Variants in SEC14L5 observed in about 807,000 individuals in gnomAD.
SEC14L5 encodes SEC14 like lipid binding 5.
Under a neutral mutation model 84.6 loss-of-function variants are expected in SEC14L5, and 96 were observed. The observed-to-expected ratio is 1.13, with a 90% CI of 0.96 to 1.34. The LOEUF (loss-of-function observed/expected upper bound fraction) is 1.34, where lower values mean the gene tolerates loss of function less well. Ranked by LOEUF, SEC14L5 falls within the 40% of genes most tolerant of loss-of-function variation. The pLI is 0.00. For synonymous variants in SEC14L5, 546 were observed against 383.4 expected (o/e 1.42, Z -4.95); for missense variants, 1,224 against 942.5 (o/e 1.30, Z -3.91).
intron 15 of SEC14L5, among the ~76,000 whole-genome samples, chr16:5,012,616 T>A (rs1231602140): frequency 1.3e-5 from 2 of 152,092 alleles, no homozygotes; most frequent in Non-Finnish European, 2.9e-5. Context: ...GAGAAAGAAC[T>A]ACCTGAGGCC....
intron 11 of SEC14L5, among the ~76,000 whole-genome samples, chr16:5,005,443 C>G (rs1026986967): frequency 1.3e-5 from 2 of 151,870 alleles, no homozygotes; most frequent in African/African-American, 4.8e-5. Context: ...GGGTTTCCTT[C>G]TGGGGTGATG....
chr16:4,968,438 C>T (rs915260791), intron 2 of SEC14L5, among the ~76,000 whole-genome samples: 2 of 152,212 alleles, frequency 1.3e-5, no homozygotes, highest in Non-Finnish European at 2.9e-5. Context: ...CCTGGCCTCC[C>T]AAAGTGTTAG....
chr16:4,996,240 C>A (rs60492913), intron 6 of SEC14L5, 108 bp from the exon 7 acceptor site: 3 of 682,108 alleles, frequency 4.4e-6, no homozygotes, highest in African/African-American at 1.8e-5. Flanking sequence ...TGGTTTGGAA[C>A]CACGTTTTAG....
intron 2 of SEC14L5, among the ~76,000 whole-genome samples, chr16:4,980,101 G>A (rs1432237672): frequency 6.6e-6 from 1 of 152,176 alleles, no homozygotes; most frequent in East Asian, 1.9e-4. Context: ...CTGTCTTCCT[G>A]AGCCTCAACT....
chr16:4,983,670 A>C (rs1010417945), intron 2 of SEC14L5, among the ~76,000 whole-genome samples: 2 of 151,874 alleles, frequency 1.3e-5, no homozygotes, highest in South Asian at 4.1e-4. Flanking sequence ...CGAAGTCAGG[A>C]GTTCAAGACC....
chr16:5,014,515 TAGG>T (rs1596649495), intron 15 of SEC14L5, among the ~76,000 whole-genome samples: 2 of 152,156 alleles, frequency 1.3e-5, no homozygotes, highest in South Asian at 4.1e-4. Context: ...CTGCAAGAGC[TAGG>T]AGGAGGACCA....
rs1389809861 is a variant in SEC14L5, at chr16:5,008,548, C to G, written c.1700C>G (p.Thr567Ser). The change falls in exon 14 of 16, where the codon ACC becomes AGC. Residue 567 changes from threonine (T) to serine (S), a missense_variant. By Grantham distance (58) the Thr-to-Ser change is moderately conservative (BLOSUM62 1). Coordinates refer to ENST00000251170, the MANE Select transcript of SEC14L5 (RefSeq NM_014692.2). ...AGGCTGGGCGCCCGGGAACCGGGGA[C>G]CAGGGCCAGCGGGCAGCTGATCGAC... ...APRLGAREPGTRASGQLIDKG... is the reference protein window; with the variant it reads ...APRLGAREPGSRASGQLIDKG... The G allele has an allele frequency of 3.1e-6, 5 of 1,609,300 alleles. No individual in the cohort carries two copies. In the East Asian group the frequency reaches 1.1e-4, roughly 36 times the overall value.
intron 11 of SEC14L5, 117 bp downstream of exon 11, chr16:5,003,690 A>G (rs1955701948): frequency 1.4e-6 from 1 of 691,510 alleles, no homozygotes. Flanking sequence ...AACTTTTTGG[A>G]GATGAAACTC....
chr16:5,005,457 A>G (rs983388293), intron 11 of SEC14L5, among the ~76,000 whole-genome samples: 52 of 152,060 alleles, frequency 3.4e-4, no homozygotes, highest in Non-Finnish European at 1.0e-4. Context: ...GGTGATGAAC[A>G]TGTCTAGGTA....
At chr16:4,977,446 C>CAAAAAAAAAAAAAAACAAAAAA (rs1955357264) in intron 2 of SEC14L5, among the ~76,000 whole-genome samples, 1 of 66,142 alleles carries the variant, frequency 1.5e-5, no homozygotes, top group Non-Finnish European at 2.5e-5. Context: ...GACTCCGTCT[C>CAAAAAAAAAAAAAAACAAAAAA]AAAAAAAAAA....
chr16:4,999,685 C>T (rs550540851), intron 8 of SEC14L5, among the ~76,000 whole-genome samples: 100 of 151,260 alleles, frequency 6.6e-4, no homozygotes, highest in African/African-American at 2.2e-3. Flanking sequence ...AAGGCCGAGG[C>T]GGCAGATCAC....
chr16:5,013,926 C>G (rs934215007), intron 15 of SEC14L5, among the ~76,000 whole-genome samples: 7 of 152,170 alleles, frequency 4.6e-5, no homozygotes, highest in African/African-American at 7.2e-5. Flanking sequence ...CTCCTGGCCT[C>G]AAGCGATCCC....
At chr16:4,961,208 C>T (rs1568097346) in intron 2 of SEC14L5, among the ~76,000 whole-genome samples, 1 of 152,078 alleles carries the variant, frequency 6.6e-6, no homozygotes, top group East Asian at 1.9e-4. Context: ...AGGAGGCAGA[C>T]GTTGCAGAGA....
At chr16:4,970,463 A>C (rs1467913450) in intron 2 of SEC14L5, among the ~76,000 whole-genome samples, 2 of 152,198 alleles carry the variant, frequency 1.3e-5, no homozygotes, top group African/African-American at 4.8e-5. Flanking sequence ...GGAAGCAGAG[A>C]CGTTGGAGGT....
intron 4 of SEC14L5, among the ~76,000 whole-genome samples, chr16:4,988,797 A>G (rs1955523081): frequency 6.6e-6 from 1 of 152,234 alleles, no homozygotes; most frequent in African/African-American, 2.4e-5. Flanking sequence ...GTATATACTG[A>G]TTGAGCACCT....
chr16:5,003,624 G>C, intron 11 of SEC14L5, 51 bp downstream of exon 11: 3 of 305,306 alleles, frequency 9.8e-6, no homozygotes, highest in African/African-American at 2.6e-5. Context: ...GGTGGGATGG[G>C]AGGGGTTCCG....
chr16:5,003,660 C>T, intron 11 of SEC14L5, 87 bp downstream of exon 11: 1 of 890,494 alleles, frequency 1.1e-6, no homozygotes, highest in Non-Finnish European at 1.7e-6. Flanking sequence ...GCTCTCTTTT[C>T]CTGTTTCATT....
chr16:4,975,087 A>C (rs568237062), intron 2 of SEC14L5, among the ~76,000 whole-genome samples: 2 of 152,134 alleles, frequency 1.3e-5, no homozygotes, highest in South Asian at 4.2e-4. Flanking sequence ...TTGCGTCCTC[A>C]TATCTTAGCT....
At chr16:4,962,893 A>G (rs1955143659) in intron 2 of SEC14L5, among the ~76,000 whole-genome samples, 1 of 152,156 alleles carries the variant, frequency 6.6e-6, no homozygotes, top group Admixed American at 6.6e-5. Flanking sequence ...ATAGCTGCAT[A>G]ACTCAACGTA....
Sources: allele counts gnomAD v4.1 joint callset (sites outside exome capture counted in the v4.1 genomes callset), GRCh38; gene constraint gnomAD v4.1.1; transcripts MANE v1.5; gene names NCBI Gene and HGNC (gene_info 2026-07-23, HGNC 2026-07-21).